SPTBN5: variants seen among roughly 807,000 people sequenced by gnomAD.
SPTBN5 encodes spectrin beta, non-erythrocytic 5.
A neutral mutation model predicts 477.6 loss-of-function variants in SPTBN5; 513 were observed. The observed-to-expected ratio is 1.07, with a 90% CI of 1.00 to 1.16. The LOEUF is 1.16. Among genes scored for constraint, SPTBN5 ranks in the 50% most tolerant of loss-of-function variants. The pLI is 0.00. For missense variants in SPTBN5, 5,062 were observed against 4,731.8 expected, an observed-to-expected ratio of 1.07 and a Z score of -2.05; for synonymous variants, 2,169 against 2,011.7, an observed-to-expected ratio of 1.08 and a Z score of -2.09.
At chr15:41,854,618 C>T (rs1274832646) in intron 56 of SPTBN5, among the ~76,000 whole-genome samples, 164 bp downstream of exon 56, 1 of 152,036 alleles carries the variant, frequency 6.6e-6, no homozygotes, top group Non-Finnish European at 1.5e-5. Context: ...TGGGCTGCAG[C>T]CAATTCCTGG....
Position 41,876,136 on chromosome 15 carries a change from C to G in SPTBN5, c.4100G>C (p.Arg1367Thr), listed in dbSNP as rs2290558. The change falls in exon 21 of 68, where the codon AGA becomes ACA. Residue 1367 changes from arginine (R) to threonine (T), a missense_variant. Coordinates refer to ENST00000320955, the MANE Select transcript of SPTBN5 (RefSeq NM_016642.4). ...AAESELLATR[R>T]HVEALQQVGR... Reference sequence around the variant, plus strand: ...CACCTGCTGCAGGGCCTCCACGTGTCTGCGGGTGGCGAGTAGCTCGCTCTC... The same window carrying G: ...CACCTGCTGCAGGGCCTCCACGTGTGTGCGGGTGGCGAGTAGCTCGCTCTC... The G allele has an allele frequency of 9.3e-4, 1,493 of 1,602,898 alleles. 17 individuals carry two copies. In the East Asian group the frequency reaches 0.025, roughly 26 times the overall value.
Position 41,883,156 on chromosome 15 carries a change from G to C in SPTBN5, c.1732C>G (p.Leu578Val). The C allele has an allele frequency of 6.2e-7, 1 of 1,612,858 alleles. No homozygotes were observed. Among genetic ancestry groups the C allele is most frequent in the Non-Finnish European group, 8.5e-7 (1 of 1,179,798 alleles). The change falls in exon 9 of 68, where the codon CTG becomes GTG. Residue 578 changes from leucine (L) to valine (V), a missense_variant. By Grantham distance (32) the Leu-to-Val change is conservative. Transcript: ENST00000320955. ...CCGTGGGCCGAGACTTGAGCCTCCA[G>C]CAGGTCATGCCTCTGCAGCAGCTCC... Reference protein sequence around the residue: ...VVELLQRHDLLEAQVSAHGAH... With the variant: ...VVELLQRHDLVEAQVSAHGAH...
At position 41,862,218 on chromosome 15, in the gene SPTBN5, T is replaced by C. The variant is rs759397427; in HGVS notation, c.7460A>G (p.Gln2487Arg). The C allele has an allele frequency of 3.1e-6, 5 of 1,611,958 alleles. No homozygotes were observed. In the East Asian group the frequency reaches 1.1e-4, roughly 36 times the overall value. ...AMLQELLVSA[Q>R]RLRAQMDTSP... ...CGTGTCCATCTGAGCCCGCAGCCTCTGGGCGCTGACCAGCAATTCCTGCAG... is the reference window on the plus strand; with the variant it reads ...CGTGTCCATCTGAGCCCGCAGCCTCCGGGCGCTGACCAGCAATTCCTGCAG... The change falls in exon 44 of 68, where the codon CAG becomes CGG. Residue 2487 changes from glutamine (Q) to arginine (R), a missense_variant. Coordinates refer to ENST00000320955, the MANE Select transcript of SPTBN5 (RefSeq NM_016642.4).
intron 52 of SPTBN5, 40 bp downstream of exon 52, chr15:41,856,813 G>A: frequency 6.6e-7 from 1 of 1,518,624 alleles, no homozygotes. Flanking sequence ...GAGAAGCCCT[G>A]CTCATGTGCG....
intron 39 of SPTBN5, among the ~76,000 whole-genome samples, chr15:41,864,454 C>T (rs940752200): frequency 1.3e-5 from 2 of 152,236 alleles, no homozygotes; most frequent in Non-Finnish European, 2.9e-5. Context: ...GCTGGCACTA[C>T]AGGTGCCTGC....
Position 41,876,805 on chromosome 15 carries a change from T to G in SPTBN5, c.3851+4A>C, listed in dbSNP as rs2066750666. On this transcript the variant is annotated splice_donor_region_variant and intron_variant, in intron 19 of 67. Transcript: ENST00000320955. ...CAGGTGCTGCAGACTGAGGCCAGGCTCACGTGTGTGCAGCTGGGTGCTGGC... is the reference window on the plus strand; with the variant it reads ...CAGGTGCTGCAGACTGAGGCCAGGCGCACGTGTGTGCAGCTGGGTGCTGGC... 1 of 1,609,966 alleles carries G rather than the reference T, an allele frequency of 6.2e-7. No individual in the cohort carries two copies. The highest frequency in any genetic ancestry group is 1.3e-5 in the African/African-American group (1 of 74,990).
At chr15:41,866,266 C>T (rs1028129392) in intron 37 of SPTBN5, 37 bp from the exon 38 acceptor site, 7 of 1,576,804 alleles carry the variant, frequency 4.4e-6, no homozygotes, top group Non-Finnish European at 6.0e-6. Context: ...ATCTTGCCTG[C>T]TGCACTTCCT....
chr15:41,863,737 C>T lies in SPTBN5; in HGVS notation c.7116G>A (p.Glu2372=), dbSNP rs1302836355. The part of the protein sequence containing the change: ...GALEIHVLSR[E]LDNVTKRIQE... ...GAATCCTCTTGGTGACATTGTCCAGCTCTCGGGACAACACGTGTATCTCCA... is the reference window on the plus strand; with the variant it reads ...GAATCCTCTTGGTGACATTGTCCAGTTCTCGGGACAACACGTGTATCTCCA... Residue 2372 remains glutamate (E), a synonymous_variant, in exon 41 of 68, where the codon GAG becomes GAA. Coordinates refer to ENST00000320955, the MANE Select transcript of SPTBN5 (RefSeq NM_016642.4). 2 of 1,613,492 alleles carry T rather than the reference C, an allele frequency of 1.2e-6. No individual in the cohort carries two copies. The highest frequency in any genetic ancestry group is 1.7e-6 in the Non-Finnish European group (2 of 1,179,842).
chr15:41,886,337 C>A lies in SPTBN5; in HGVS notation c.918G>T (p.Leu306=). The A allele has an allele frequency of 1.2e-6, 2 of 1,609,428 alleles. No homozygotes were observed. Among genetic ancestry groups the A allele is most frequent in the Non-Finnish European group, 1.7e-6 (2 of 1,177,692 alleles). ...KILLQLQETE[L]LQTQYEQLVA... Reference sequence around the variant, plus strand: ...CCAGCTGCTCGTACTGGGTCTGCAGCAGCTCTGTCTCCTGGAGCTGAAGCA... The same window carrying A: ...CCAGCTGCTCGTACTGGGTCTGCAGAAGCTCTGTCTCCTGGAGCTGAAGCA... The change falls in exon 7 of 68, where the codon CTG becomes CTT. Residue 306 remains leucine (L), a synonymous_variant. Coordinates refer to ENST00000320955, the MANE Select transcript of SPTBN5 (RefSeq NM_016642.4).
chr15:41,877,146 G>A lies in SPTBN5; in HGVS notation c.3681C>T (p.His1227=), dbSNP rs763771691. Residue 1227 remains histidine (H), a synonymous_variant, in exon 18 of 68, where the codon CAC becomes CAT. Transcript: ENST00000320955. ...VDGFTATCAN[H]QAWLHLDNLG... is the part of the protein sequence containing the mutation. ...GGTTGTCCAGGTGCAGCCAGGCCTG[G>A]TGGTTGGCACAGGTGGCAGTGAAAC... The A allele has an allele frequency of 4.3e-6, 7 of 1,613,954 alleles. No homozygotes were observed. Among genetic ancestry groups the A allele is most frequent in the South Asian group, 1.1e-5 (1 of 91,052 alleles).
chr15:41,864,561 G>A (rs192851830), intron 39 of SPTBN5, among the ~76,000 whole-genome samples: 2 of 152,196 alleles, frequency 1.3e-5, no homozygotes, highest in Admixed American at 6.5e-5. Context: ...TGATCTGCCC[G>A]CCTTGGCCTC....
rs778315568 is a variant in SPTBN5, at chr15:41,874,990, G to T, written c.4354C>A (p.Arg1452Ser). 6.2e-7 allele frequency: 1 copy of T among 1,613,546 alleles called. No individual in the cohort carries two copies. The highest frequency in any genetic ancestry group is 1.3e-5 in the African/African-American group (1 of 74,938). The part of the protein sequence containing the change: ...LQSSETGQDL[R>S]SSQRLQKRHQ... Reference sequence around the variant, plus strand: ...CGTTTCTGCAGCCTCTGGCTGGAGCGCAGGTCCTGCCCTGTTTCCGAGCTC... The same window carrying T: ...CGTTTCTGCAGCCTCTGGCTGGAGCTCAGGTCCTGCCCTGTTTCCGAGCTC... Residue 1452 changes from arginine to serine, a missense_variant, in exon 23 of 68, where the codon CGC becomes AGC. Transcript: ENST00000320955.
intron 6 of SPTBN5, 63 bp downstream of exon 6, chr15:41,887,150 T>C: frequency 6.8e-7 from 1 of 1,463,312 alleles, no homozygotes; most frequent in Non-Finnish European, 9.4e-7. Flanking sequence ...CAGGGCAGGC[T>C]TCACGCTTAG....
In SPTBN5 at chr15:41,876,562, A is replaced by G; in HGVS notation, c.3937T>C (p.Ser1313Pro). The G allele has an allele frequency of 6.2e-7, 1 of 1,600,286 alleles. No individual in the cohort carries two copies. The highest frequency in any genetic ancestry group is 8.5e-7 in the Non-Finnish European group (1 of 1,174,026). ...CAGACCCTCACCTGGAGCTGGAGGG[A>G]AGCCAGCAACTGCCTCCTCCTCTGC... ...SEQRRRQLLA[S>P]LQLQEWKQDV... The change falls in exon 20 of 68, where the codon TCC (serine) becomes CCC (proline). Residue 1313 changes from serine to proline, a missense_variant. By Grantham distance (74) the Ser-to-Pro change is moderately conservative (BLOSUM62 -1). Coordinates refer to ENST00000320955, the MANE Select transcript of SPTBN5 (RefSeq NM_016642.4).
At chr15:41,864,101 A>G in intron 39 of SPTBN5, 77 bp from the exon 40 acceptor site, 1 of 1,314,016 alleles carries the variant, frequency 7.6e-7, no homozygotes, top group Non-Finnish European at 1.1e-6. Context: ...AGGCACTGAA[A>G]GCATGCCTGG....
intron 3 of SPTBN5, among the ~76,000 whole-genome samples, chr15:41,892,275 G>A (rs542823561): frequency 4.6e-5 from 7 of 152,230 alleles, no homozygotes; most frequent in East Asian, 1.9e-4. Flanking sequence ...CACAGTTCCC[G>A]GTTTCCAATG....
At chr15:41,865,735 C>A (rs2066277928) in intron 39 of SPTBN5, 73 bp downstream of exon 39, 2 of 1,388,070 alleles carry the variant, frequency 1.4e-6, no homozygotes, top group South Asian at 2.6e-5. Context: ...ACAGCCCACA[C>A]TCTTTCCCTG....
At chr15:41,850,123 T>G (rs917130834) in intron 66 of SPTBN5, 164 bp from the exon 67 acceptor site, 4 of 627,920 alleles carry the variant, frequency 6.4e-6, no homozygotes, top group Non-Finnish European at 8.5e-6. Flanking sequence ...TGAGCACTTG[T>G]GGGCAGGTTT....
At position 41,855,452 on chromosome 15, in the gene SPTBN5, G is replaced by A. The variant is rs780566456; in HGVS notation, c.9219-24C>T. The stretch of plus-strand genomic sequence containing the variant: ...GGCTGTGGGAAGAGAGCGACAGTCT[G>A]GACTGCAGCCCTGCCTTTCCAGGCT... On this transcript the variant is annotated intron_variant, in intron 54 of 67. Transcript: ENST00000320955. 7 of 1,595,754 alleles carry A rather than the reference G, an allele frequency of 4.4e-6. No homozygotes were observed. The South Asian group carries it at 7.8e-5, about 18-fold the overall frequency.
Sources: allele counts gnomAD v4.1 joint callset (sites outside exome capture counted in the v4.1 genomes callset), GRCh38; gene constraint gnomAD v4.1.1; transcripts MANE v1.5; gene names NCBI Gene and HGNC (gene_info 2026-07-23, HGNC 2026-07-21).